The following DOCK1 variants were observed in gnomAD, a reference collection of about 807,000 sequenced individuals.
DOCK1 encodes dedicator of cytokinesis 1.
Under a neutral mutation model 262.7 loss-of-function variants are expected in DOCK1, and 138 were observed. The ratio of observed to expected loss-of-function variants is 0.53; its 90% CI spans 0.46 to 0.61. The LOEUF (loss-of-function observed/expected upper bound fraction) is 0.61. Ranked by LOEUF, DOCK1 falls within the 20% of genes least tolerant of loss-of-function variation. DOCK1 has a pLI of 0.00. For missense variants in DOCK1, 1,908 were observed against 2,370.7 expected, an observed-to-expected ratio of 0.80 and a Z score of 4.05; for synonymous variants, 866 against 867.4, an observed-to-expected ratio of 1.00 and a Z score of 0.03.
chr10:127,338,476 TCTC>T (rs1267584898), intron 29 of DOCK1, among the ~76,000 whole-genome samples: 1 of 152,222 alleles, frequency 6.6e-6, no homozygotes, highest in Non-Finnish European at 1.5e-5. Context: ...TTTAACTTCT[TCTC>T]TAGTAAAATA....
intron 13 of DOCK1, among the ~76,000 whole-genome samples, chr10:127,020,683 A>G (rs1035925346): frequency 6.6e-6 from 1 of 152,076 alleles, no homozygotes; most frequent in Non-Finnish European, 1.5e-5. Context: ...TCGGGTATAT[A>G]TCTCACAGGA....
At chr10:126,931,371 A>G (rs1184655828) in intron 1 of DOCK1, among the ~76,000 whole-genome samples, 3 of 152,234 alleles carry the variant, frequency 2.0e-5, no homozygotes, top group African/African-American at 7.2e-5. Context: ...TGAAGACACC[A>G]GGATGCATGG....
intron 29 of DOCK1, among the ~76,000 whole-genome samples, chr10:127,283,263 A>G (rs575353443): frequency 6.6e-6 from 1 of 152,346 alleles, no homozygotes; most frequent in Admixed American, 6.5e-5. Context: ...ACAAGCAGCA[A>G]TTGCTGGAAG....
intron 1 of DOCK1, among the ~76,000 whole-genome samples, chr10:126,949,348 T>C (rs1193388948): frequency 1.3e-5 from 2 of 152,118 alleles, no homozygotes; most frequent in African/African-American, 4.8e-5. Flanking sequence ...TTGGACATGT[T>C]GCTTGACAAG....
intron 33 of DOCK1, among the ~76,000 whole-genome samples, chr10:127,370,781 G>A (rs1206907196): frequency 3.3e-5 from 5 of 152,236 alleles, no homozygotes; most frequent in Non-Finnish European, 5.9e-5. Flanking sequence ...TTTCCGAAAG[G>A]CCTTCTATTC....
At position 126,964,637 on chromosome 10, in the gene DOCK1, A is replaced by G. The variant is rs946746071; in HGVS notation, c.47-6065A>G. 4.5e-4 allele frequency among the ~76,000 whole-genome samples: 68 copies of G among 152,378 alleles called. 1 individual carries two copies. In the East Asian group the frequency reaches 0.012, roughly 26 times the overall value. On this transcript the variant is annotated intron_variant, in intron 1 of 51. Coordinates refer to ENST00000623213, the MANE Select transcript of DOCK1 (RefSeq NM_001290223.2). ...AGAATTAATTAACGTTTAAGTTGCT[A>G]CTTGAAGTCTTGAAATCATGTTTCA...
At chr10:126,956,993 A>T (rs2036792570) in intron 1 of DOCK1, among the ~76,000 whole-genome samples, 1 of 152,158 alleles carries the variant, frequency 6.6e-6, no homozygotes, top group Non-Finnish European at 1.5e-5. Flanking sequence ...AGAAGCCCCC[A>T]CATTGGAGGG....
At chr10:126,990,326 T>C (rs2039701765) in intron 5 of DOCK1, 129 bp from the exon 6 acceptor site, 1 of 963,406 alleles carries the variant, frequency 1.0e-6, no homozygotes, top group African/African-American at 1.7e-5. Context: ...ACCTTTTAAT[T>C]CAACATTAAC....
rs375937964 is a variant in DOCK1, at chr10:127,419,730, A to G, written c.4757A>G (p.Lys1586Arg). 3 of 1,601,256 alleles carry G rather than the reference A, an allele frequency of 1.9e-6. No individual in the cohort carries two copies. Among genetic ancestry groups the G allele is most frequent in the East Asian group, 2.3e-5 (1 of 44,412 alleles). Residue 1586 changes from lysine (K) to arginine (R), a missense_variant, in exon 46 of 52, where the codon AAG becomes AGG. Transcript: ENST00000623213. The stretch of plus-strand genomic sequence containing the variant: ...GCCCATGAAAAGATCGAGAAGCTCA[A>G]GGACCTGATTGCTTGGCAGGTAAAG... The part of the protein sequence containing the change: ...PEAHEKIEKL[K>R]DLIAWQIPFL...
chr10:127,250,812 A>G (rs1481168420), intron 28 of DOCK1, among the ~76,000 whole-genome samples: 1 of 151,376 alleles, frequency 6.6e-6, no homozygotes, highest in East Asian at 1.9e-4. Context: ...AAAAAAAAAA[A>G]AAAAAAAAAA....
intron 27 of DOCK1, among the ~76,000 whole-genome samples, chr10:127,222,445 C>CA (rs1397212548): frequency 6.6e-6 from 1 of 152,156 alleles, no homozygotes; most frequent in African/African-American, 2.4e-5. Context: ...TACCTCTTTT[C>CA]AAACATTAGT....
intron 25 of DOCK1, among the ~76,000 whole-genome samples, chr10:127,123,377 T>C (rs1467552075): frequency 6.6e-6 from 1 of 152,184 alleles, no homozygotes; most frequent in Non-Finnish European, 1.5e-5. Context: ...GTGATGTGTT[T>C]CCAGCCAAAG....
intron 29 of DOCK1, among the ~76,000 whole-genome samples, chr10:127,323,468 C>T (rs1376792645): frequency 6.6e-6 from 1 of 152,168 alleles, no homozygotes; most frequent in African/African-American, 2.4e-5. Context: ...TGCAGTTTCT[C>T]TGATGTATCT....
rs955415641 is a variant in DOCK1 at position 126,944,416 on chromosome 10, C to T, written c.47-26286C>T. ...CTCTGAACCTTGCAAGCGGACCTGCCGAGGCAGCTGTTGGGTGGCTGGAGC... is the reference window on the plus strand; with the variant it reads ...CTCTGAACCTTGCAAGCGGACCTGCTGAGGCAGCTGTTGGGTGGCTGGAGC... On this transcript the variant is annotated intron_variant, in intron 1 of 51. Coordinates refer to ENST00000623213, the MANE Select transcript of DOCK1 (RefSeq NM_001290223.2). 4.2e-3 allele frequency among the ~76,000 whole-genome samples: 631 copies of T among 151,912 alleles called. 2 individuals are homozygous for T. Among genetic ancestry groups the T allele is most frequent in the Non-Finnish European group, 6.9e-3 (467 of 67,970 alleles).
intron 48 of DOCK1, among the ~76,000 whole-genome samples, chr10:127,433,667 A>T (rs2069457293): frequency 6.6e-6 from 1 of 152,018 alleles, no homozygotes; most frequent in African/African-American, 2.4e-5. Flanking sequence ...TGAGGTTTTC[A>T]TCCAATTTAG....
chr10:127,186,507 G>GCCCCCCCCC (rs1326283340), intron 27 of DOCK1, among the ~76,000 whole-genome samples: 1 of 5,912 alleles, frequency 1.7e-4, no homozygotes, highest in African/African-American at 3.2e-4. Context: ...GGGAGAAACC[G>GCCCCCCCCC]CCCCCCCGCC....
chr10:127,309,502 G>A (rs867609113), intron 29 of DOCK1, among the ~76,000 whole-genome samples: 1 of 152,208 alleles, frequency 6.6e-6, no homozygotes, highest in Non-Finnish European at 1.5e-5. Flanking sequence ...TTTTGATCAT[G>A]AAGTCTTTGC....
At chr10:127,298,622 A>G (rs2061579506) in intron 29 of DOCK1, among the ~76,000 whole-genome samples, 1 of 152,226 alleles carries the variant, frequency 6.6e-6, no homozygotes, top group South Asian at 2.1e-4. Context: ...CTCCTGAGCA[A>G]GCTGGAAGCA....
intron 23 of DOCK1, among the ~76,000 whole-genome samples, chr10:127,093,319 C>T (rs1591996101): frequency 7.2e-6 from 1 of 138,642 alleles, no homozygotes; most frequent in South Asian, 2.4e-4. Flanking sequence ...GATCTCGGCT[C>T]ACTGCAACTT....
Sources: gnomAD v4.1 joint callset for allele counts (sites outside exome capture counted in the v4.1 genomes callset) on GRCh38, gnomAD v4.1.1 for gene constraint, MANE v1.5 for transcripts, NCBI Gene and HGNC (gene_info 2026-07-23, HGNC 2026-07-21) for gene names.